RASEF: variants seen among roughly 807,000 people sequenced by gnomAD.
RASEF encodes RAS and EF-hand domain containing.
In RASEF, 68 loss-of-function variants were observed where a neutral mutation model predicts 90.1. The observed-to-expected ratio is 0.75, with a 90% CI of 0.62 to 0.92. The LOEUF (loss-of-function observed/expected upper bound fraction) is 0.92, where lower values mean the gene tolerates loss of function less well. Among genes scored for constraint, RASEF ranks in the 40% least tolerant of loss-of-function variants. The pLI is 0.00. For missense variants in RASEF, 949 were observed against 937.2 expected (o/e 1.01, Z -0.16); for synonymous variants, 331 against 345.2 (o/e 0.96, Z 0.46).
intron 1 of RASEF, among the ~76,000 whole-genome samples, chr9:83,035,608 T>C (rs1829726881): frequency 6.6e-6 from 1 of 152,356 alleles, no homozygotes; most frequent in East Asian, 1.9e-4. Flanking sequence ...TGCCTTGCAG[T>C]GCACATTTGC....
At chr9:82,992,847 G>A (rs751114773) in intron 15 of RASEF, 59 bp downstream of exon 15, 34 of 1,564,116 alleles carry the variant, frequency 2.2e-5, no homozygotes, top group East Asian at 6.8e-5. Flanking sequence ...AAAGGCCACC[G>A]ACTTCAAAGC....
At chr9:83,057,478 G>A in intron 1 of RASEF, among the ~76,000 whole-genome samples, 1 of 152,122 alleles carries the variant, frequency 6.6e-6, no homozygotes, top group East Asian at 1.9e-4. Context: ...ACACATTAAA[G>A]AGAAAAAGCA....
chr9:83,193,080 C>A, the RASEF span, among the ~76,000 whole-genome samples: 2 of 152,172 alleles, frequency 1.3e-5, no homozygotes, highest in Non-Finnish European at 2.9e-5. Context: ...TGTTGGGATA[C>A]TTTGCCTCTG....
the RASEF span, among the ~76,000 whole-genome samples, chr9:83,209,086 C>T: frequency 6.6e-6 from 1 of 152,232 alleles, no homozygotes; most frequent in Non-Finnish European, 1.5e-5. Flanking sequence ...ACTGGGCTCT[C>T]TGGTCCCAGT....
chr9:83,018,812 A>G (rs1829391791), intron 3 of RASEF, among the ~76,000 whole-genome samples: 1 of 152,186 alleles, frequency 6.6e-6, no homozygotes, highest in Admixed American at 6.5e-5. Flanking sequence ...GCATAACAAT[A>G]GACAAATCAA....
At chr9:83,113,421 C>T in the RASEF span, among the ~76,000 whole-genome samples, 1 of 152,094 alleles carries the variant, frequency 6.6e-6, no homozygotes, top group African/African-American at 2.4e-5. Flanking sequence ...AATCAGTGCA[C>T]CTTAAAAAAG....
chr9:83,063,105 C>G lies in RASEF; in HGVS notation c.-238G>C, dbSNP rs565110918. ...GGTCCCGGGAGCGGTGGGGTGCGCC[C>G]GGGCTCCAGGCACCGCCAAGGAGCG... On this transcript the variant is annotated 5_prime_UTR_variant, in exon 1 of 17. Coordinates refer to ENST00000376447, the MANE Select transcript of RASEF (RefSeq NM_152573.4). 2.2e-3 allele frequency: 1,010 copies of G among 467,800 alleles called. 2 individuals are homozygous for G. The highest frequency in any genetic ancestry group is 3.0e-3 in the Non-Finnish European group (827 of 271,168). 29.0% of individuals were successfully genotyped at this position (467,800 alleles called of 1,614,324 possible). A position where few individuals can be genotyped will look rare whatever the true frequency, so the allele number is the denominator to read the frequency against.
chr9:83,075,607 A>G, the RASEF span, among the ~76,000 whole-genome samples: 3 of 152,190 alleles, frequency 2.0e-5, no homozygotes, highest in Non-Finnish European at 2.9e-5. Context: ...TTCCTACGGA[A>G]GCCTATGAAT....
At chr9:82,983,304 T>A (rs993771073) in intron 16 of RASEF, among the ~76,000 whole-genome samples, 2 of 152,208 alleles carry the variant, frequency 1.3e-5, no homozygotes, top group Non-Finnish European at 2.9e-5. Context: ...TTATAACCGT[T>A]CTTTAATTAT....
chr9:83,219,107 GA>G, the RASEF span, among the ~76,000 whole-genome samples: 1 of 152,212 alleles, frequency 6.6e-6, no homozygotes, highest in Non-Finnish European at 1.5e-5. Context: ...ATGGGCGCAA[GA>G]AGTACTCAAA....
At chr9:83,147,052 A>ATATATG in the RASEF span, among the ~76,000 whole-genome samples, 1 of 149,266 alleles carries the variant, frequency 6.7e-6, no homozygotes, top group Non-Finnish European at 1.5e-5. Flanking sequence ...ATATATATAT[A>ATATATG]TATATATAAA....
At chr9:83,024,849 C>T (rs73469421) in intron 2 of RASEF, among the ~76,000 whole-genome samples, 4,522 of 152,180 alleles carry the variant, frequency 0.03, 206 homozygotes, top group African/African-American at 0.1. Context: ...ACAAGTCACC[C>T]GCCCCTATGT....
the RASEF span, among the ~76,000 whole-genome samples, chr9:83,088,005 T>C: frequency 6.6e-6 from 1 of 152,158 alleles, no homozygotes; most frequent in African/African-American, 2.4e-5. Context: ...CTTTGACCCA[T>C]TGGTTATTTA....
the RASEF span, among the ~76,000 whole-genome samples, chr9:83,078,666 G>GAAAAAA: frequency 7.5e-6 from 1 of 133,354 alleles, no homozygotes; most frequent in African/African-American, 2.9e-5. Flanking sequence ...CCTGTCTAAA[G>GAAAAAA]AAAAAAAAAA....
chr9:83,031,719 A>G (rs1231506765), intron 1 of RASEF, among the ~76,000 whole-genome samples: 1 of 152,222 alleles, frequency 6.6e-6, no homozygotes, highest in African/African-American at 2.4e-5. Context: ...TTATTGCTAC[A>G]AGGATTACCC....
At chr9:82,991,745 G>A (rs1456174502) in intron 15 of RASEF, among the ~76,000 whole-genome samples, 1 of 152,210 alleles carries the variant, frequency 6.6e-6, no homozygotes, top group African/African-American at 2.4e-5. Flanking sequence ...GGACTGTGGA[G>A]GTCAAGAGAT....
At chr9:83,163,963 A>T in the RASEF span, among the ~76,000 whole-genome samples, 1 of 150,500 alleles carries the variant, frequency 6.6e-6, no homozygotes, top group Non-Finnish European at 1.5e-5. Context: ...ACACTATTTT[A>T]AAAAAACAGA....
the RASEF span, among the ~76,000 whole-genome samples, chr9:83,185,681 T>C: frequency 1.3e-5 from 2 of 152,136 alleles, no homozygotes; most frequent in Non-Finnish European, 2.9e-5. Flanking sequence ...TATAAGCTGA[T>C]GATTGATGCA....
chr9:83,155,378 C>T, the RASEF span, among the ~76,000 whole-genome samples: 10 of 152,142 alleles, frequency 6.6e-5, no homozygotes, highest in South Asian at 2.1e-3. Context: ...GCCAGGGAGG[C>T]CTCACAATCA....
Sources: gnomAD v4.1 joint callset for allele counts (sites outside exome capture counted in the v4.1 genomes callset) on GRCh38, gnomAD v4.1.1 for gene constraint, MANE v1.5 for transcripts, NCBI Gene and HGNC (gene_info 2026-07-23, HGNC 2026-07-21) for gene names.